ANAPC5: variants seen among roughly 807,000 people sequenced by gnomAD.
The protein encoded by ANAPC5 is anaphase promoting complex subunit 5.
Under a neutral mutation model 91.3 loss-of-function variants are expected in ANAPC5, and 60 were observed. The ratio of observed to expected loss-of-function variants is 0.66; its 90% confidence interval spans 0.53 to 0.81. The LOEUF is 0.81. Among genes scored for constraint, ANAPC5 ranks in the 40% least tolerant of loss-of-function variants. The probability of loss-of-function intolerance (pLI) is 0.00; values close to 1 mark genes in which losing one functional copy is unlikely to be tolerated. For missense variants in ANAPC5, 690 were observed against 931.5 expected (o/e 0.74, Z 3.37); for synonymous variants, 340 against 364.1 (o/e 0.93, Z 0.75).
At chr12:121,329,524 A>G (rs540680366) in intron 9 of ANAPC5, among the ~76,000 whole-genome samples, 8 of 152,268 alleles carry the variant, frequency 5.3e-5, no homozygotes, top group East Asian at 1.9e-4. Context: ...CACAAACTTC[A>G]TAAGACAGAA....
chr12:121,313,155 G>A (rs1013782277), intron 15 of ANAPC5, among the ~76,000 whole-genome samples: 46 of 151,878 alleles, frequency 3.0e-4, no homozygotes, highest in Middle Eastern at 3.4e-3. Flanking sequence ...GCGAAACCCC[G>A]TCTCTATTAA....
chr12:121,352,005 T>C (rs1903910104), intron 1 of ANAPC5, 129 bp downstream of exon 1: 10 of 872,088 alleles, frequency 1.1e-5, no homozygotes, highest in Non-Finnish European at 1.5e-5. Flanking sequence ...GCTATCTTTA[T>C]TTCTTCACGT....
At chr12:121,335,803 T>A (rs1903213271) in intron 6 of ANAPC5, 80 bp from the exon 7 acceptor site, 1 of 1,209,948 alleles carries the variant, frequency 8.3e-7, no homozygotes, top group African/African-American at 1.5e-5. Context: ...TTCCACTGTC[T>A]ACAAACACTA....
At chr12:121,309,647 C>T in intron 16 of ANAPC5, 54 bp downstream of exon 16, 9 of 1,544,022 alleles carry the variant, frequency 5.8e-6, no homozygotes, top group Non-Finnish European at 7.9e-6. Context: ...GGGTCCTAAA[C>T]TTTCAATGCT....
chr12:121,352,538 C>T, upstream of ANAPC5: 1 of 563,158 alleles, frequency 1.8e-6, no homozygotes, highest in Non-Finnish European at 3.1e-6. Context: ...TCAGAATGTA[C>T]AAGAGTGCGG....
At chr12:121,309,556 A>G in intron 16 of ANAPC5, 145 bp downstream of exon 16, 2 of 978,854 alleles carry the variant, frequency 2.0e-6, no homozygotes, top group South Asian at 3.7e-5. Context: ...AGCACTTTAA[A>G]TGCTGCATGA....
intron 5 of ANAPC5, among the ~76,000 whole-genome samples, chr12:121,339,660 G>T (rs1903367977): frequency 6.6e-6 from 1 of 150,962 alleles, no homozygotes; most frequent in Non-Finnish European, 1.5e-5. Context: ...ATAGAGACGG[G>T]GTTTCACCAT....
At chr12:121,337,506 C>A in intron 5 of ANAPC5, 114 bp from the exon 6 acceptor site, 1 of 754,342 alleles carries the variant, frequency 1.3e-6, no homozygotes, top group Non-Finnish European at 2.1e-6. Flanking sequence ...CCTTCAGGCT[C>A]TGGCCCCTCA....
At chr12:121,316,260 TAGGA>T (rs1406003424) in intron 15 of ANAPC5, among the ~76,000 whole-genome samples, 1 of 151,978 alleles carries the variant, frequency 6.6e-6, no homozygotes, top group African/African-American at 2.4e-5. Context: ...TCATACCCAC[TAGGA>T]AGGATGTAAT....
At chr12:121,328,225 A>G (rs1227556058) in intron 10 of ANAPC5, 91 bp downstream of exon 10, 2 of 1,175,640 alleles carry the variant, frequency 1.7e-6, no homozygotes, top group African/African-American at 3.0e-5. Flanking sequence ...AAGGCAGGTA[A>G]ATCTTGTATG....
At position 121,342,555 on chromosome 12, in the gene ANAPC5, A is replaced by C. The variant is rs145410389; in HGVS notation, c.591-486T>G. On this transcript the variant is annotated intron_variant, in intron 4 of 16. Coordinates refer to ENST00000261819, the MANE Select transcript of ANAPC5 (RefSeq NM_016237.5). This position sits in a 1 kb window ranked among gnomAD's most constrained non-coding sequence, Gnocchi z 4.1. ...CATTTTTAAATAAAAAAAATTAAAA[A>C]CTCTTAGAAGAAAACATCGAGGAGG... Among the ~76,000 whole-genome samples, 5 of 152,254 alleles carry C rather than the reference A, an allele frequency of 3.3e-5. No homozygotes were observed. Among genetic ancestry groups the C allele is most frequent in the Non-Finnish European group, 5.9e-5 (4 of 68,018 alleles).
rs537091790 is a variant in ANAPC5 at position 121,345,722 on chromosome 12, C to G, written c.590+117G>C. ...GCCCTTATCAGTTAACTTCCCAGAT[C>G]TGGAAGGGTAAAAAGGGCATAAGCC... On this transcript the variant is annotated intron_variant, in intron 4 of 16. Transcript: ENST00000261819. The G allele has an allele frequency of 1.7e-4, 188 of 1,081,262 alleles. No homozygotes were observed. In the Middle Eastern group the frequency reaches 3.1e-3, roughly 18 times the overall value. 67.0% of individuals were successfully genotyped at this position (1,081,262 alleles called of 1,614,324 possible).
rs1902901666 is a variant in ANAPC5 at position 121,328,352 on chromosome 12, G to A, written c.1268C>T (p.Ala423Val). Residue 423 changes from alanine (A) to valine (V), a missense_variant, in exon 10 of 17, where the codon GCA (alanine) becomes GTA (valine). Coordinates refer to ENST00000261819, the MANE Select transcript of ANAPC5 (RefSeq NM_016237.5). ...CAGCCTCCAGATGGCCGTTTTCTGT[G>A]CGATGCTGATATCGATGAGCTCTGA... ...SLSELIDISI[A>V]QKTAIWRLYG... is the part of the protein sequence containing the mutation. 1.2e-6 allele frequency: 2 copies of A among 1,613,874 alleles called. No homozygotes were observed. The highest frequency in any genetic ancestry group is 1.7e-6 in the Non-Finnish European group (2 of 1,179,984).
chr12:121,345,671 C>T (rs1020011894), intron 4 of ANAPC5, among the ~76,000 whole-genome samples, 168 bp downstream of exon 4: 9 of 152,118 alleles, frequency 5.9e-5, no homozygotes, highest in Admixed American at 1.3e-4. Flanking sequence ...AATCACAAGT[C>T]AGAGGGCAAG....
chr12:121,318,388 A>G lies in ANAPC5; in HGVS notation c.1782T>C (p.Ser594=), dbSNP rs769703741. 2 of 1,612,208 alleles carry G rather than the reference A, an allele frequency of 1.2e-6. No individual in the cohort carries two copies. The highest frequency in any genetic ancestry group is 1.7e-6 in the Non-Finnish European group (2 of 1,179,076). Residue 594 remains serine (S), a synonymous_variant, in exon 15 of 17, where the codon TCT becomes TCC. Transcript: ENST00000261819. ...TGGGCAGCGCGATGGTAGGGGAGGAAGATCGCCAGTACAGCTCTGCCACGG... is the reference window on the plus strand; with the variant it reads ...TGGGCAGCGCGATGGTAGGGGAGGAGGATCGCCAGTACAGCTCTGCCACGG... ...LLSVAELYWR[S]SSPTIALPML...
upstream of ANAPC5, among the ~76,000 whole-genome samples, chr12:121,352,628 A>G (rs1700005252): frequency 7.1e-6 from 1 of 141,328 alleles, no homozygotes; most frequent in Non-Finnish European, 1.5e-5. Context: ...GTGGACAGGG[A>G]CCGGATGGGA....
intron 6 of ANAPC5, among the ~76,000 whole-genome samples, chr12:121,336,652 C>A (rs528139320): frequency 9.9e-5 from 15 of 152,274 alleles, no homozygotes; most frequent in Non-Finnish European, 1.5e-4. Flanking sequence ...TGCACGCCAG[C>A]CTGGGCAACA....
At position 121,342,495 on chromosome 12, in the gene ANAPC5, T is replaced by C. The variant is rs561429573; in HGVS notation, c.591-426A>G. Among the ~76,000 whole-genome samples the C allele has an allele frequency of 1.2e-3, 190 of 152,184 alleles. No individual in the cohort carries two copies. Among genetic ancestry groups the C allele is most frequent in the African/African-American group, 4.4e-3 (183 of 41,522 alleles). ...AAACCGTAAAACTCTTAGAAGATCT[T>C]CCTTCCACCTGCTAGTAATAAAAAA... On this transcript the variant is annotated intron_variant, in intron 4 of 16. Transcript: ENST00000261819. This position sits in a 1 kb window ranked among gnomAD's most constrained non-coding sequence, Gnocchi z 4.1.
chr12:121,323,757 G>A (rs555290043), intron 11 of ANAPC5, among the ~76,000 whole-genome samples: 6 of 152,168 alleles, frequency 3.9e-5, no homozygotes, highest in Non-Finnish European at 8.8e-5. Flanking sequence ...AAGTGAATAA[G>A]CAGAAATTAC....
Sources: allele counts gnomAD v4.1 joint callset (sites outside exome capture counted in the v4.1 genomes callset), GRCh38; gene constraint gnomAD v4.1.1; non-coding constraint Gnocchi (gnomAD v3.1); transcripts MANE v1.5; gene names NCBI Gene and HGNC (gene_info 2026-07-23, HGNC 2026-07-21).